The following OPCML variants were observed in gnomAD, a reference collection of about 807,000 sequenced individuals.
OPCML encodes opioid binding protein/cell adhesion molecule like.
In OPCML, 13 loss-of-function variants were observed where a neutral mutation model predicts 37.8. The ratio of observed to expected loss-of-function variants is 0.34; its 90% CI spans 0.22 to 0.55. The LOEUF (loss-of-function observed/expected upper bound fraction) is 0.55, where lower values mean the gene tolerates loss of function less well. Among genes scored for constraint, OPCML ranks in the 20% least tolerant of loss-of-function variants. OPCML has a pLI of 0.91. For synonymous variants in OPCML, 176 were observed against 168.8 expected, an observed-to-expected ratio of 1.04 and a Z score of -0.33; for missense variants, 341 against 435.6, an observed-to-expected ratio of 0.78 and a Z score of 1.93.
intron 2 of OPCML, among the ~76,000 whole-genome samples, chr11:132,906,413 G>A (rs190911450): frequency 2.6e-5 from 4 of 152,240 alleles, no homozygotes; most frequent in East Asian, 3.9e-4. Context: ...CCTAAGAACC[G>A]CCCTTTCTAG....
In OPCML at chr11:132,587,338, G is replaced by C. The variant is rs116858343; in HGVS notation, c.380-58152C>G. On this transcript the variant is annotated intron_variant, in intron 3 of 7. Transcript: ENST00000524381. ...TCTGCTTACCAGACATCAAATGACTGTAGTCAGAGCTGTCCTTCATGGTCT... is the reference window on the plus strand; with the variant it reads ...TCTGCTTACCAGACATCAAATGACTCTAGTCAGAGCTGTCCTTCATGGTCT... 2.6e-4 allele frequency among the ~76,000 whole-genome samples: 40 copies of C among 152,348 alleles called. No individual in the cohort carries two copies. The East Asian group carries it at 7.3e-3, about 28-fold the overall frequency.
At chr11:133,043,776 G>A (rs116216247) in intron 1 of OPCML, among the ~76,000 whole-genome samples, 2,331 of 152,280 alleles carry the variant, frequency 0.015, 39 homozygotes, top group African/African-American at 0.042. Flanking sequence ...ACGAGATAAA[G>A]CCAGACAAAT....
chr11:132,681,026 T>C (rs1942918930), intron 2 of OPCML, among the ~76,000 whole-genome samples: 1 of 152,218 alleles, frequency 6.6e-6, no homozygotes, highest in South Asian at 2.1e-4. Flanking sequence ...CAAGAATGGC[T>C]GGCAGGCGGG....
intron 1 of OPCML, among the ~76,000 whole-genome samples, chr11:132,947,706 C>A (rs1384984801): frequency 6.6e-6 from 1 of 152,152 alleles, no homozygotes; most frequent in Non-Finnish European, 1.5e-5. Flanking sequence ...CAGAACTTTT[C>A]TAGGAAATGC....
chr11:132,776,738 T>C (rs1051962677), intron 2 of OPCML, among the ~76,000 whole-genome samples: 1 of 152,058 alleles, frequency 6.6e-6, no homozygotes, highest in Admixed American at 6.5e-5. Flanking sequence ...TCTTTATAAA[T>C]TATCCAGCAT....
At chr11:133,005,271 A>G (rs1340898498) in intron 1 of OPCML, 4 of 985,422 alleles carry the variant, frequency 4.1e-6, no homozygotes, top group Non-Finnish European at 4.8e-6. Flanking sequence ...GCATGAATGA[A>G]TCAATAGCCA....
chr11:133,082,041 G>T (rs974160739), intron 1 of OPCML, among the ~76,000 whole-genome samples: 1 of 152,058 alleles, frequency 6.6e-6, no homozygotes, highest in South Asian at 2.1e-4. Context: ...CTTCTAGCGC[G>T]CGTTCTTTAC....
chr11:132,645,955 G>A (rs1941127834), intron 3 of OPCML, among the ~76,000 whole-genome samples: 1 of 152,194 alleles, frequency 6.6e-6, no homozygotes, highest in African/African-American at 2.4e-5. Context: ...AACATTAAAG[G>A]CAGATGAATT....
chr11:133,300,865 C>G (rs1376928935), intron 1 of OPCML: 1 of 152,080 alleles, frequency 6.6e-6, no homozygotes. Flanking sequence ...GGGCACAAGC[C>G]AAGGCATGTG....
At chr11:132,518,499 A>G (rs2096285177) in intron 4 of OPCML, among the ~76,000 whole-genome samples, 1 of 152,122 alleles carries the variant, frequency 6.6e-6, no homozygotes, top group Non-Finnish European at 1.5e-5. Flanking sequence ...AGCTCTTTTT[A>G]ACTTGAAGAG....
At chr11:132,907,177 G>A (rs77131103) in intron 2 of OPCML, among the ~76,000 whole-genome samples, 16,483 of 152,170 alleles carry the variant, frequency 0.11, 1,219 homozygotes, top group African/African-American at 0.19. Context: ...GGGGGCCGCA[G>A]CTCCTTTTGC....
In OPCML at chr11:132,974,403, G is replaced by A. The variant is rs553174126; in HGVS notation, c.62-31393C>T. Among the ~76,000 whole-genome samples, 3 of 152,252 alleles carry A rather than the reference G, an allele frequency of 2.0e-5. No homozygotes were observed. In the South Asian group the frequency reaches 6.2e-4, roughly 32 times the overall value. ...AGTTCTTCCTATGGTCACCGAAAAA[G>A]CTCATCATCACTGGTCATCAGAGAA... On this transcript the variant is annotated intron_variant, in intron 1 of 7. Transcript: ENST00000524381.
At chr11:133,314,750 G>A (rs1379712863) in intron 1 of OPCML, among the ~76,000 whole-genome samples, 1 of 152,106 alleles carries the variant, frequency 6.6e-6, no homozygotes, top group Non-Finnish European at 1.5e-5. Flanking sequence ...GGACGCTAAG[G>A]CTCCATGTGC....
chr11:133,398,910 CCCA>C (rs1945343004), intron 1 of OPCML, among the ~76,000 whole-genome samples: 1 of 152,156 alleles, frequency 6.6e-6, no homozygotes, highest in East Asian at 1.9e-4. Flanking sequence ...TTCTAAAAAT[CCCA>C]AAGAACATAG....
chr11:133,197,964 C>T (rs561024603), intron 1 of OPCML, among the ~76,000 whole-genome samples: 7 of 152,292 alleles, frequency 4.6e-5, no homozygotes, highest in Middle Eastern at 3.4e-3. Flanking sequence ...ACTGCACAAC[C>T]GCCAGGCCTA....
intron 1 of OPCML, among the ~76,000 whole-genome samples, chr11:133,433,545 G>C (rs555599990): frequency 3.1e-4 from 47 of 152,232 alleles, no homozygotes; most frequent in Admixed American, 5.9e-4. Flanking sequence ...CTTCAGTGAG[G>C]ATTTGCCTTG....
chr11:133,306,844 G>A (rs1010242302), intron 1 of OPCML, among the ~76,000 whole-genome samples: 1 of 152,152 alleles, frequency 6.6e-6, no homozygotes, highest in Non-Finnish European at 1.5e-5. Context: ...GCCAGAATCT[G>A]ATTCTGTTTC....
chr11:133,158,783 G>A (rs1950103590), intron 1 of OPCML, among the ~76,000 whole-genome samples: 1 of 149,562 alleles, frequency 6.7e-6, no homozygotes, highest in Admixed American at 6.6e-5. Flanking sequence ...TTTCTAGGAG[G>A]TATGAAAGCC....
intron 1 of OPCML, among the ~76,000 whole-genome samples, chr11:133,207,726 T>C (rs1939147121): frequency 6.6e-6 from 1 of 152,204 alleles, no homozygotes; most frequent in South Asian, 2.1e-4. Flanking sequence ...CAGATGGCAA[T>C]GCCGACTGAG....
Sources: allele counts gnomAD v4.1 joint callset (sites outside exome capture counted in the v4.1 genomes callset), GRCh38; gene constraint gnomAD v4.1.1; transcripts MANE v1.5; gene names NCBI Gene and HGNC (gene_info 2026-07-23, HGNC 2026-07-21).